The following CAST variants were observed in gnomAD, a reference collection of about 807,000 sequenced individuals.
CAST encodes the protein MIR583 host.
CAST carries 76 observed loss-of-function variants against 119.6 expected under a neutral mutation model. The observed-to-expected ratio is 0.64, with a 90% CI of 0.53 to 0.77. CAST has a LOEUF of 0.77. Ranked by LOEUF, CAST falls within the 30% of genes least tolerant of loss-of-function variation. CAST has a pLI of 0.00. For missense variants in CAST, 953 were observed against 946.5 expected, an observed-to-expected ratio of 1.01 and a Z score of -0.09; for synonymous variants, 319 against 331.6, an observed-to-expected ratio of 0.96 and a Z score of 0.41.
chr5:96,551,159 G>A (rs374006551), intron 1 of CAST, among the ~76,000 whole-genome samples: 60 of 152,278 alleles, frequency 3.9e-4, no homozygotes, highest in African/African-American at 1.4e-3. Flanking sequence ...GTTAAGGGCA[G>A]CCAGAGAGAA....
At chr5:96,361,809 C>CTCT in the CAST span, among the ~76,000 whole-genome samples, 3 of 68,640 alleles carry the variant, frequency 4.4e-5, no homozygotes, top group African/African-American at 2.0e-4. Context: ...CTCTAGTATG[C>CTCT]TTTTTTTTTT....
chr5:96,623,161 GC>G (rs1747654105), intron 1 of CAST, among the ~76,000 whole-genome samples: 1 of 152,066 alleles, frequency 6.6e-6, no homozygotes, highest in Non-Finnish European at 1.5e-5. Flanking sequence ...ACTGCACCCA[GC>G]CTACCTCAAT....
chr5:96,240,950 T>A, the CAST span, among the ~76,000 whole-genome samples: 59 of 152,112 alleles, frequency 3.9e-4, 1 homozygote, highest in African/African-American at 1.4e-3. Context: ...ACAGCTACAA[T>A]ACAGAATGAA....
chr5:96,046,859 A>C, the CAST span, among the ~76,000 whole-genome samples: 6 of 152,184 alleles, frequency 3.9e-5, no homozygotes, highest in East Asian at 1.2e-3. Flanking sequence ...GGAAGAAGCA[A>C]AAGTGGAAAC....
the CAST span, among the ~76,000 whole-genome samples, chr5:96,273,033 C>T: frequency 4.6e-5 from 7 of 152,176 alleles, no homozygotes; most frequent in Middle Eastern, 6.8e-3. Flanking sequence ...AATCTTTAGA[C>T]GAGATAAAAT....
chr5:96,610,359 A>G lies in CAST; in HGVS notation c.61-65180A>G, dbSNP rs369985799. ...CTTCATAGCAGTGCAAGAACAGACT[A>G]ATACAATATGTAAATCAATAAATGT... On this transcript the variant is annotated intron_variant, in intron 1 of 11. Coordinates refer to the CAST transcript ENST00000505143. Among the ~76,000 whole-genome samples the G allele has an allele frequency of 7.6e-4, 116 of 152,344 alleles. 1 individual carries two copies. The South Asian group carries it at 0.024, about 31-fold the overall frequency.
chr5:96,305,587 G>A, the CAST span, among the ~76,000 whole-genome samples: 2 of 151,992 alleles, frequency 1.3e-5, no homozygotes, highest in Non-Finnish European at 2.9e-5. Context: ...ATTGGCTCTG[G>A]GTTTGTTGTA....
In CAST at chr5:96,774,482, A is replaced by T. The variant is rs1294661982; in HGVS notation, c.*1866A>T. ...AGAGAGAAAATAATTGCAAATATCCACTTAGAGGCAAAGAACAATTTTTTA... is the reference window on the plus strand; with the variant it reads ...AGAGAGAAAATAATTGCAAATATCCTCTTAGAGGCAAAGAACAATTTTTTA... On this transcript the variant is annotated 3_prime_UTR_variant, in exon 32 of 32. Transcript: ENST00000675179. 1.0e-6 allele frequency: 1 copy of T among 984,648 alleles called. No individual in the cohort carries two copies. The highest frequency in any genetic ancestry group is 1.2e-6 in the Non-Finnish European group (1 of 827,854). The allele number at this position is 984,648 out of a possible 1,614,324, so 61.0% of individuals were successfully genotyped here.
the CAST span, among the ~76,000 whole-genome samples, chr5:96,328,071 A>ATCAACT: frequency 3.3e-5 from 5 of 152,198 alleles, no homozygotes; most frequent in African/African-American, 1.2e-4. Flanking sequence ...GGTTGAAATA[A>ATCAACT]TCAACTTTTG....
intron 1 of CAST, among the ~76,000 whole-genome samples, chr5:96,565,668 G>C (rs1746452822): frequency 6.6e-6 from 1 of 152,106 alleles, no homozygotes; most frequent in Admixed American, 6.5e-5. Flanking sequence ...AGCTGGGAAG[G>C]GGACACTGAA....
intron 1 of CAST, among the ~76,000 whole-genome samples, chr5:96,617,790 TAAAAAAAAAAAAA>T (rs1162873931): frequency 0.024 from 532 of 21,924 alleles, 3 homozygotes; most frequent in African/African-American, 0.053. Flanking sequence ...AAATTCCATC[TAAAAAAAAAAAAA>T]AAAAAAAAAA....
the CAST span, among the ~76,000 whole-genome samples, chr5:95,994,830 T>C: frequency 1.3e-5 from 2 of 152,084 alleles, no homozygotes; most frequent in Admixed American, 6.6e-5. Context: ...CTTTTTATTA[T>C]GCCATAAATG....
At chr5:96,187,491 A>AT in the CAST span, among the ~76,000 whole-genome samples, 1 of 151,918 alleles carries the variant, frequency 6.6e-6, no homozygotes, top group Non-Finnish European at 1.5e-5. Flanking sequence ...AGTGCTATAA[A>AT]TTTTCTTCTT....
the CAST span, among the ~76,000 whole-genome samples, chr5:96,466,982 A>G: frequency 6.6e-6 from 1 of 152,138 alleles, no homozygotes; most frequent in Non-Finnish European, 1.5e-5. Context: ...TTTTCCCTAC[A>G]TCTTTGCAAA....
chr5:96,635,699 T>C (rs1747876429), intron 1 of CAST, among the ~76,000 whole-genome samples: 1 of 152,224 alleles, frequency 6.6e-6, no homozygotes, highest in Admixed American at 6.5e-5. Flanking sequence ...ACAGTCAATG[T>C]TCATAGCCAA....
chr5:96,477,541 A>G, the CAST span, among the ~76,000 whole-genome samples: 2 of 152,190 alleles, frequency 1.3e-5, no homozygotes, highest in South Asian at 2.1e-4. Context: ...TCACCATGGT[A>G]TTTTGACCCA....
At chr5:96,573,928 G>GACTTCT (rs1746617958) in intron 1 of CAST, among the ~76,000 whole-genome samples, 1 of 151,130 alleles carries the variant, frequency 6.6e-6, no homozygotes, top group African/African-American at 2.4e-5. Flanking sequence ...GATCTTCTAT[G>GACTTCT]ATTTGTCTTC....
At chr5:95,997,700 A>G in the CAST span, among the ~76,000 whole-genome samples, 9 of 152,136 alleles carry the variant, frequency 5.9e-5, no homozygotes, top group Non-Finnish European at 1.3e-4. Flanking sequence ...TCCTGTTCAG[A>G]TGACATCTTT....
chr5:96,664,106 G>A (rs1257091596), intron 1 of CAST, among the ~76,000 whole-genome samples: 1 of 152,078 alleles, frequency 6.6e-6, no homozygotes, highest in Non-Finnish European at 1.5e-5. Flanking sequence ...ATTCTTTGGA[G>A]CTAGCTACCC....
Sources: gnomAD v4.1 joint callset for allele counts (sites outside exome capture counted in the v4.1 genomes callset) on GRCh38, gnomAD v4.1.1 for gene constraint, MANE v1.5 for transcripts, NCBI Gene and HGNC (gene_info 2026-07-23, HGNC 2026-07-21) for gene names.